LMBR1: variants seen among roughly 807,000 people sequenced by gnomAD.
LMBR1 encodes limb region 1 protein homolog.
In LMBR1, 52 loss-of-function variants were observed where a neutral mutation model predicts 73.9. The observed-to-expected ratio is 0.70, with a 90% confidence interval of 0.56 to 0.89. LMBR1 has a LOEUF of 0.89. Ranked by LOEUF, LMBR1 falls within the 40% of genes least tolerant of loss-of-function variation. The probability of loss-of-function intolerance (pLI) is 0.00; values close to 1 mark genes in which losing one functional copy is unlikely to be tolerated. For synonymous variants in LMBR1, 215 were observed against 209.4 expected, an observed-to-expected ratio of 1.03 and a Z score of -0.23; for missense variants, 539 against 579.8, an observed-to-expected ratio of 0.93 and a Z score of 0.72.
chr7:156,792,200 G>A (rs982142370), intron 5 of LMBR1, among the ~76,000 whole-genome samples: 11 of 152,122 alleles, frequency 7.2e-5, no homozygotes, highest in African/African-American at 2.7e-4. Context: ...CCAATCTGAG[G>A]TATGATAAGC....
chr7:156,735,549 T>TTG (rs563310037), intron 9 of LMBR1, among the ~76,000 whole-genome samples: 2 of 11,594 alleles, frequency 1.7e-4, no homozygotes, highest in African/African-American at 4.1e-3. Flanking sequence ...AAGAGTGGTG[T>TTG]TTTTTTTTTT....
intron 5 of LMBR1, among the ~76,000 whole-genome samples, chr7:156,785,613 T>C (rs1451666525): frequency 6.6e-6 from 1 of 152,116 alleles, no homozygotes; most frequent in African/African-American, 2.4e-5. Flanking sequence ...CTGACACAAC[T>C]ACAAAGCTTT....
At chr7:156,840,193 T>C (rs1048118420) in intron 1 of LMBR1, among the ~76,000 whole-genome samples, 2 of 152,184 alleles carry the variant, frequency 1.3e-5, no homozygotes, top group Admixed American at 6.5e-5. Context: ...AACTGGGACA[T>C]AGCAGTGAAC....
chr7:156,837,407 T>C (rs1470176117), intron 1 of LMBR1, among the ~76,000 whole-genome samples: 1 of 149,954 alleles, frequency 6.7e-6, no homozygotes, highest in East Asian at 1.9e-4. Flanking sequence ...TTTAATACCA[T>C]TTGAAAAAAA....
chr7:156,723,153 C>A (rs1000458091), intron 15 of LMBR1, among the ~76,000 whole-genome samples: 1 of 206 alleles, frequency 4.9e-3, no homozygotes, highest in Admixed American at 0.083. Context: ...TACATTTATA[C>A]TTTTTGTTTT....
chr7:156,752,277 G>A (rs1821046831), intron 9 of LMBR1, among the ~76,000 whole-genome samples: 1 of 152,236 alleles, frequency 6.6e-6, no homozygotes, highest in African/African-American at 2.4e-5. Context: ...ACTCTTGTGA[G>A]CTTTGCCATA....
chr7:156,718,412 A>T (rs1813708656), intron 15 of LMBR1, among the ~76,000 whole-genome samples: 1 of 143,592 alleles, frequency 7.0e-6, no homozygotes, highest in Non-Finnish European at 1.5e-5. Context: ...AAAAAAAAAG[A>T]AGGAAAAAGA....
chr7:156,761,045 G>C (rs1822883603), intron 8 of LMBR1, among the ~76,000 whole-genome samples: 1 of 152,228 alleles, frequency 6.6e-6, no homozygotes, highest in South Asian at 2.1e-4. Context: ...GGTAGCTGGA[G>C]CAGGTAAGAG....
intron 1 of LMBR1, among the ~76,000 whole-genome samples, chr7:156,886,637 G>T (rs1801952093): frequency 6.6e-6 from 1 of 152,158 alleles, no homozygotes; most frequent in African/African-American, 2.4e-5. Context: ...ATCACTTAGG[G>T]TCTGGCAGTG....
intron 1 of LMBR1, among the ~76,000 whole-genome samples, chr7:156,888,186 G>A (rs1330935384): frequency 3.9e-5 from 6 of 152,028 alleles, no homozygotes; most frequent in Non-Finnish European, 5.9e-5. Flanking sequence ...TGAGGCGGGC[G>A]AATCACGAGG....
chr7:156,834,964 A>C (rs1837345225), intron 2 of LMBR1, among the ~76,000 whole-genome samples: 1 of 151,886 alleles, frequency 6.6e-6, no homozygotes, highest in Non-Finnish European at 1.5e-5. Context: ...ACATGGTGAA[A>C]CCCCATCTCT....
At chr7:156,729,394 G>A (rs57640333) in intron 10 of LMBR1, among the ~76,000 whole-genome samples, 1 of 150,668 alleles carries the variant, frequency 6.6e-6, no homozygotes, top group African/African-American at 2.5e-5. Context: ...GGCTATATTT[G>A]TATTTCATAT....
intron 1 of LMBR1, among the ~76,000 whole-genome samples, chr7:156,843,917 G>C (rs1839159388): frequency 6.6e-6 from 1 of 151,770 alleles, no homozygotes; most frequent in Non-Finnish European, 1.5e-5. Context: ...TGGAGAAAAG[G>C]AAAACAAGTA....
chr7:156,771,613 C>T (rs565064321), intron 5 of LMBR1, among the ~76,000 whole-genome samples: 9 of 152,154 alleles, frequency 5.9e-5, no homozygotes, highest in African/African-American at 1.4e-4. Context: ...GACTAGAAAA[C>T]GCTCAGGATC....
chr7:156,676,152 T>G, downstream of LMBR1: 1 of 1,086,090 alleles, frequency 9.2e-7, no homozygotes, highest in Non-Finnish European at 1.3e-6. Context: ...CCCTTCAGTT[T>G]GAAATTCTGG....
At chr7:156,868,263 G>A (rs987364901) in intron 1 of LMBR1, among the ~76,000 whole-genome samples, 24 of 149,240 alleles carry the variant, frequency 1.6e-4, no homozygotes, top group Non-Finnish European at 2.7e-4. Context: ...GTGCAATCTC[G>A]GCTCACTGAA....
At chr7:156,684,270 A>G (rs1471170753) in intron 16 of LMBR1, 107 bp from the exon 17 acceptor site, 1 of 893,076 alleles carries the variant, frequency 1.1e-6, no homozygotes, top group Non-Finnish European at 1.8e-6. Context: ...GTTATTTGGA[A>G]AGCTGTGAGG....
chr7:156,885,842 C>T (rs192023436), intron 1 of LMBR1, among the ~76,000 whole-genome samples: 1 of 152,020 alleles, frequency 6.6e-6, no homozygotes, highest in East Asian at 1.9e-4. Flanking sequence ...TGTGCCACTG[C>T]ACTCCAGGCT....
intron 7 of LMBR1, among the ~76,000 whole-genome samples, chr7:156,762,610 C>T (rs1563301660): frequency 6.6e-6 from 1 of 152,186 alleles, no homozygotes; most frequent in Non-Finnish European, 1.5e-5. Context: ...CTTTAAACTA[C>T]ATTTATCTAC....
Sources: allele counts gnomAD v4.1 joint callset (sites outside exome capture counted in the v4.1 genomes callset), GRCh38; gene constraint gnomAD v4.1.1; transcripts MANE v1.5; gene names NCBI Gene and HGNC (gene_info 2026-07-23, HGNC 2026-07-21).